MACROD2: variants seen among roughly 807,000 people sequenced by gnomAD.
MACROD2 encodes the protein ADP-ribose glycohydrolase MACROD2.
Under a neutral mutation model 70.4 loss-of-function variants are expected in MACROD2, and 36 were observed. The observed-to-expected ratio is 0.51, with a 90% confidence interval of 0.39 to 0.68. The LOEUF (loss-of-function observed/expected upper bound fraction) is 0.68. Ranked by LOEUF, MACROD2 falls within the 30% of genes least tolerant of loss-of-function variation. MACROD2 has a pLI of 0.00. For synonymous variants in MACROD2, 172 were observed against 178.8 expected (o/e 0.96, Z 0.30); for missense variants, 496 against 538.4 (o/e 0.92, Z 0.78).
Position 14,995,308 on chromosome 20 carries a change from G to A in MACROD2, c.419-234632G>A, listed in dbSNP as rs543099348. 1.9e-3 allele frequency among the ~76,000 whole-genome samples: 292 copies of A among 152,090 alleles called. 1 individual carries two copies. The highest frequency in any genetic ancestry group is 5.6e-3 in the Admixed American group (85 of 15,262). On this transcript the variant is annotated intron_variant, in intron 5 of 17. Transcript: ENST00000684519. ...TTGGTAAATTATAAGAAGAAATACA[G>A]TTTCCTCAAATAATTTTACATATGA...
chr20:15,014,304 G>A (rs1004326956), intron 5 of MACROD2, among the ~76,000 whole-genome samples: 1 of 152,090 alleles, frequency 6.6e-6, no homozygotes, highest in African/African-American at 2.4e-5. Flanking sequence ...AGAGTACGGC[G>A]AGAAGTCTCA....
At chr20:14,138,465 T>G (rs2054828591) in intron 3 of MACROD2, among the ~76,000 whole-genome samples, 1 of 152,090 alleles carries the variant, frequency 6.6e-6, no homozygotes, top group Non-Finnish European at 1.5e-5. Flanking sequence ...GTGACAGTAG[T>G]GAAATACATT....
At chr20:15,389,953 C>A (rs1194334050) in intron 6 of MACROD2, among the ~76,000 whole-genome samples, 1 of 151,924 alleles carries the variant, frequency 6.6e-6, no homozygotes, top group African/African-American at 2.4e-5. Flanking sequence ...GTAAAGAGAC[C>A]AGGGAACCTT....
chr20:15,019,902 A>G (rs1267828052), intron 5 of MACROD2, among the ~76,000 whole-genome samples: 1 of 152,202 alleles, frequency 6.6e-6, no homozygotes, highest in East Asian at 1.9e-4. Context: ...GAAATTAAAC[A>G]TAATAATAAT....
chr20:14,653,439 C>T (rs1181332263), intron 4 of MACROD2, among the ~76,000 whole-genome samples: 1 of 151,604 alleles, frequency 6.6e-6, no homozygotes, highest in Non-Finnish European at 1.5e-5. Context: ...AGGATGGTCT[C>T]GATTTCCTGA....
intron 7 of MACROD2, among the ~76,000 whole-genome samples, chr20:15,460,298 C>T (rs1387174402): frequency 6.6e-6 from 1 of 152,124 alleles, no homozygotes; most frequent in Non-Finnish European, 1.5e-5. Flanking sequence ...CTGCCAGGAC[C>T]AATTGGCAAC....
chr20:15,684,438 T>G (rs2050200624), intron 8 of MACROD2, among the ~76,000 whole-genome samples: 1 of 152,260 alleles, frequency 6.6e-6, no homozygotes, highest in African/African-American at 2.4e-5. Flanking sequence ...CAAATAGCAC[T>G]GTCAGCTTGA....
intron 5 of MACROD2, among the ~76,000 whole-genome samples, chr20:14,857,462 C>A (rs957488072): frequency 2.0e-5 from 3 of 152,156 alleles, no homozygotes; most frequent in Non-Finnish European, 4.4e-5. Flanking sequence ...AACATTTGTG[C>A]CCATTAACTC....
At chr20:16,037,575 G>A (rs1462936285) in intron 15 of MACROD2, among the ~76,000 whole-genome samples, 3 of 151,732 alleles carry the variant, frequency 2.0e-5, no homozygotes, top group Admixed American at 1.3e-4. Flanking sequence ...GTCTGATGAT[G>A]TCCCAGAGAG....
At chr20:14,931,524 A>G (rs241206) in intron 5 of MACROD2, among the ~76,000 whole-genome samples, 96,816 of 151,958 alleles carry the variant, frequency 0.64, 31,335 homozygotes, top group East Asian at 0.88. Flanking sequence ...TGTTAGGTGC[A>G]TCTGCCATAC....
At chr20:15,576,552 G>GTTTTTTTTTTTTTTTTTTTTTTTTT (rs11473854) in intron 8 of MACROD2, among the ~76,000 whole-genome samples, 2 of 145,752 alleles carry the variant, frequency 1.4e-5, no homozygotes, top group Non-Finnish European at 3.0e-5. Flanking sequence ...TGCACAAAAT[G>GTTTTTTTTTTTTTTTTTTTTTTTTT]TTTTTTTTTT....
At chr20:14,450,204 A>G (rs1318015022) in intron 3 of MACROD2, among the ~76,000 whole-genome samples, 1 of 152,188 alleles carries the variant, frequency 6.6e-6, no homozygotes, top group African/African-American at 2.4e-5. Flanking sequence ...TTAAAAAATA[A>G]TACGTCATCT....
intron 5 of MACROD2, among the ~76,000 whole-genome samples, chr20:14,816,246 A>G (rs1352346906): frequency 6.6e-6 from 1 of 152,096 alleles, no homozygotes; most frequent in Non-Finnish European, 1.5e-5. Flanking sequence ...GATGAGGGAT[A>G]TAAGAATCAT....
chr20:15,823,630 A>G (rs1001996198), intron 8 of MACROD2, among the ~76,000 whole-genome samples: 2 of 152,322 alleles, frequency 1.3e-5, no homozygotes, highest in South Asian at 2.1e-4. Context: ...ATTTATCAAC[A>G]TGCTTGGTTC....
At chr20:14,743,380 T>TG in intron 5 of MACROD2, among the ~76,000 whole-genome samples, 1 of 152,180 alleles carries the variant, frequency 6.6e-6, no homozygotes, top group Middle Eastern at 3.4e-3. Flanking sequence ...TCTAATCATA[T>TG]GAGTCCTTAA....
chr20:15,707,066 A>G (rs2050544546), intron 8 of MACROD2, among the ~76,000 whole-genome samples: 1 of 152,202 alleles, frequency 6.6e-6, no homozygotes, highest in Admixed American at 6.5e-5. Flanking sequence ...TTGCCCTAAG[A>G]GTCATAGATA....
At chr20:15,227,843 T>TTTTTTTTTTTTTTTTTTTTTTTTTTA (rs2076923474) in intron 5 of MACROD2, among the ~76,000 whole-genome samples, 1 of 146,120 alleles carries the variant, frequency 6.8e-6, no homozygotes, top group Non-Finnish European at 1.5e-5. Flanking sequence ...TTTTTTTTTT[T>TTTTTTTTTTTTTTTTTTTTTTTTTTA]TTTTTTCAAA....
intron 6 of MACROD2, among the ~76,000 whole-genome samples, chr20:15,397,759 C>A (rs1400937762): frequency 6.6e-6 from 1 of 152,088 alleles, no homozygotes; most frequent in South Asian, 2.1e-4. Flanking sequence ...AGCTTCAATG[C>A]GTACATCATG....
intron 5 of MACROD2, among the ~76,000 whole-genome samples, chr20:14,700,705 A>C (rs796143103): frequency 1.4e-4 from 21 of 152,274 alleles, no homozygotes; most frequent in African/African-American, 5.1e-4. Flanking sequence ...ACAGTAGTAA[A>C]ATGCATTTCC....
Sources: gnomAD v4.1 joint callset for allele counts (sites outside exome capture counted in the v4.1 genomes callset) on GRCh38, gnomAD v4.1.1 for gene constraint, MANE v1.5 for transcripts, NCBI Gene and HGNC (gene_info 2026-07-23, HGNC 2026-07-21) for gene names.